Variants in NEMP2 observed in about 807,000 individuals in gnomAD.
NEMP2 encodes the protein UPF0571 transmembrane protein.
Under a neutral mutation model 54.2 loss-of-function variants are expected in NEMP2, and 53 were observed. That is an observed-to-expected ratio of 0.98 (90% confidence interval 0.78 to 1.23). The LOEUF (loss-of-function observed/expected upper bound fraction) is 1.23. NEMP2 is among the 50% of genes most tolerant of loss of function. The pLI is 0.00. For missense variants in NEMP2, 455 were observed against 511.3 expected (o/e 0.89, Z 1.06); for synonymous variants, 197 against 190.3 (o/e 1.04, Z -0.29).
At chr2:190,517,927 A>G (rs1690618791) in intron 4 of NEMP2, among the ~76,000 whole-genome samples, 1 of 152,222 alleles carries the variant, frequency 6.6e-6, no homozygotes, top group Non-Finnish European at 1.5e-5. Context: ...TTAAGGCACC[A>G]AAAAGTTAAA....
At chr2:190,445,130 G>A in the NEMP2 span, among the ~76,000 whole-genome samples, 6 of 152,212 alleles carry the variant, frequency 3.9e-5, no homozygotes, top group African/African-American at 1.4e-4. Flanking sequence ...ACAATCTTGG[G>A]CCTGCTGTGT....
At chr2:190,549,967 G>C in the NEMP2 span, among the ~76,000 whole-genome samples, 1 of 152,180 alleles carries the variant, frequency 6.6e-6, no homozygotes, top group African/African-American at 2.4e-5. Flanking sequence ...CTACTGATAA[G>C]TATACATATT....
chr2:190,482,748 C>T, the NEMP2 span, among the ~76,000 whole-genome samples: 1 of 151,616 alleles, frequency 6.6e-6, no homozygotes, highest in Admixed American at 6.6e-5. Flanking sequence ...TTTTGAAATG[C>T]ATGTTGTACA....
chr2:190,543,531 C>T, the NEMP2 span, among the ~76,000 whole-genome samples: 2 of 152,206 alleles, frequency 1.3e-5, no homozygotes, highest in Non-Finnish European at 2.9e-5. The surrounding 1 kb of genome is among the most constrained non-coding windows in gnomAD (Gnocchi z 4.7). Flanking sequence ...AAATACCACA[C>T]ACTTGGTGAC....
Position 190,525,536 on chromosome 2 carries a change from G to A in NEMP2, c.98-158C>T, listed in dbSNP as rs1396020272. On this transcript the variant is annotated intron_variant, in intron 1 of 8. Coordinates refer to ENST00000409150, the MANE Select transcript of NEMP2 (RefSeq NM_001142645.2). The surrounding 1 kb of genome is among the most constrained non-coding windows in gnomAD (Gnocchi z 5.0). Reference sequence around the variant, plus strand: ...ATAGTCCTTCAGTGTTTCCAACCAAGGAGGAGACAGATAGAAAATACGATA... The same window carrying A: ...ATAGTCCTTCAGTGTTTCCAACCAAAGAGGAGACAGATAGAAAATACGATA... 6.6e-6 allele frequency among the ~76,000 whole-genome samples: 1 copy of A among 152,118 alleles called. No homozygotes were observed. Among genetic ancestry groups the A allele is most frequent in the Non-Finnish European group, 1.5e-5 (1 of 68,026 alleles).
At chr2:190,428,873 A>G in the NEMP2 span, among the ~76,000 whole-genome samples, 1 of 151,958 alleles carries the variant, frequency 6.6e-6, no homozygotes, top group African/African-American at 2.4e-5. Context: ...GGGTTTTGCC[A>G]CATTGGCCAG....
chr2:190,567,247 A>C, the NEMP2 span, among the ~76,000 whole-genome samples: 1 of 152,154 alleles, frequency 6.6e-6, no homozygotes, highest in South Asian at 2.1e-4. The surrounding 1 kb of genome is among the most constrained non-coding windows in gnomAD (Gnocchi z 4.0). Flanking sequence ...TGCTGAAAAT[A>C]GAACCAAAAG....
chr2:190,489,995 G>T, the NEMP2 span: 1 of 679,022 alleles, frequency 1.5e-6, no homozygotes, highest in South Asian at 2.1e-5. This position sits in a 1 kb window ranked among gnomAD's most constrained non-coding sequence, Gnocchi z 6.6. Context: ...TCTGAGTGGC[G>T]TATCGATGAA....
At chr2:190,557,451 C>T in the NEMP2 span, among the ~76,000 whole-genome samples, 2 of 152,126 alleles carry the variant, frequency 1.3e-5, no homozygotes, top group African/African-American at 4.8e-5. Context: ...AAAGCAATGG[C>T]AACAAAAGCC....
Position 190,508,881 on chromosome 2 carries a change from T to C in NEMP2, c.*308A>G, listed in dbSNP as rs1303073066. 2 of 328,344 alleles carry C rather than the reference T, an allele frequency of 6.1e-6. No individual in the cohort carries two copies. The highest frequency in any genetic ancestry group is 1.1e-5 in the Non-Finnish European group (2 of 175,976). The allele number at this position is 328,344 out of a possible 1,614,324, so 20.3% of individuals were successfully genotyped here. ...TGCCCTGGTGTCGACAAAGCACCTG[T>C]TCATGCTTACTAGCCCCTTAAGAAC... On this transcript the variant is annotated 3_prime_UTR_variant, in exon 9 of 9. Coordinates refer to ENST00000409150, the MANE Select transcript of NEMP2 (RefSeq NM_001142645.2). The surrounding 1 kb of genome is among the most constrained non-coding windows in gnomAD (Gnocchi z 4.3).
At chr2:190,502,055 A>T (rs1690048106), downstream of NEMP2, 1 of 152,674 alleles carries the variant, frequency 6.5e-6, no homozygotes, top group Non-Finnish European at 1.5e-5. This position sits in a 1 kb window ranked among gnomAD's most constrained non-coding sequence, Gnocchi z 4.4. Flanking sequence ...ACATGTTGAA[A>T]TAAAAATGAA....
the NEMP2 span, among the ~76,000 whole-genome samples, chr2:190,589,350 C>T: frequency 4.6e-3 from 700 of 152,252 alleles, 9 homozygotes; most frequent in African/African-American, 0.016. The surrounding 1 kb of genome is among the most constrained non-coding windows in gnomAD (Gnocchi z 4.3). Context: ...GCCTTTCTGA[C>T]GTGATATTCC....
At chr2:190,596,146 G>C in the NEMP2 span, among the ~76,000 whole-genome samples, 2 of 152,100 alleles carry the variant, frequency 1.3e-5, no homozygotes, top group African/African-American at 2.4e-5. This position sits in a 1 kb window ranked among gnomAD's most constrained non-coding sequence, Gnocchi z 5.1. Context: ...AACTGACACA[G>C]GACAAGAAAA....
chr2:190,636,932 T>A, the NEMP2 span, among the ~76,000 whole-genome samples: 29 of 152,326 alleles, frequency 1.9e-4, no homozygotes, highest in Admixed American at 5.2e-4. Context: ...TCTTAGCATC[T>A]TGCTTAAATC....
the NEMP2 span, among the ~76,000 whole-genome samples, chr2:190,463,195 G>A: frequency 1.6e-3 from 239 of 152,292 alleles, 2 homozygotes; most frequent in African/African-American, 5.4e-3. The surrounding 1 kb of genome is among the most constrained non-coding windows in gnomAD (Gnocchi z 4.4). Context: ...ACAGTTATGA[G>A]AAAACAAATT....
At chr2:190,552,021 G>A in the NEMP2 span, among the ~76,000 whole-genome samples, 2 of 152,196 alleles carry the variant, frequency 1.3e-5, no homozygotes, top group African/African-American at 4.8e-5. Flanking sequence ...GCCCGGGCAG[G>A]TCATGTTTCT....
At chr2:190,437,625 C>G in the NEMP2 span, 3 of 1,506,548 alleles carry the variant, frequency 2.0e-6, no homozygotes, top group Admixed American at 6.1e-5. The surrounding 1 kb of genome is among the most constrained non-coding windows in gnomAD (Gnocchi z 5.9). Context: ...TGGTTTATAG[C>G]TCCTTCTACT....
At chr2:190,432,478 G>A in the NEMP2 span, among the ~76,000 whole-genome samples, 1 of 152,138 alleles carries the variant, frequency 6.6e-6, no homozygotes, top group Non-Finnish European at 1.5e-5. Context: ...ATGCAGTGGC[G>A]TGATCTCGGC....
chr2:190,635,989 C>T, the NEMP2 span, among the ~76,000 whole-genome samples: 1 of 152,202 alleles, frequency 6.6e-6, no homozygotes, highest in South Asian at 2.1e-4. This position sits in a 1 kb window ranked among gnomAD's most constrained non-coding sequence, Gnocchi z 4.1. Flanking sequence ...CTTCAGCCTC[C>T]CCACTAGGTG....
Sources: allele counts gnomAD v4.1 joint callset (sites outside exome capture counted in the v4.1 genomes callset), GRCh38; gene constraint gnomAD v4.1.1; non-coding constraint Gnocchi (gnomAD v3.1); transcripts MANE v1.5; gene names NCBI Gene and HGNC (gene_info 2026-07-23, HGNC 2026-07-21).